Variants in CADPS observed in about 807,000 individuals in gnomAD.
CADPS encodes calcium-dependent secretion activator 1.
A neutral mutation model predicts 167.3 loss-of-function variants in CADPS; 57 were observed. The observed-to-expected ratio is 0.34, with a 90% CI of 0.28 to 0.42. The LOEUF (loss-of-function observed/expected upper bound fraction) is 0.42, where lower values mean the gene tolerates loss of function less well. Among genes scored for constraint, CADPS ranks in the 20% least tolerant of loss-of-function variants. The pLI, the probability that CADPS is intolerant of heterozygous loss-of-function variation, is 1.00. For synonymous variants in CADPS, 676 were observed against 635.3 expected (o/e 1.06, Z -0.96); for missense variants, 1,414 against 1,738.1 (o/e 0.81, Z 3.32).
At chr3:62,735,371 T>TA (rs1554129985) in intron 3 of CADPS, among the ~76,000 whole-genome samples, 2 of 152,062 alleles carry the variant, frequency 1.3e-5, no homozygotes, top group African/African-American at 2.4e-5. Context: ...AAGCAATAAA[T>TA]GTTACTCTGC....
chr3:62,748,696 C>A (rs1468136587), intron 3 of CADPS, among the ~76,000 whole-genome samples: 1 of 152,132 alleles, frequency 6.6e-6, no homozygotes, highest in Non-Finnish European at 1.5e-5. Context: ...AAAACCTATT[C>A]TCAAATTATC....
chr3:62,628,736 C>T (rs1202015125), intron 6 of CADPS, among the ~76,000 whole-genome samples: 1 of 151,978 alleles, frequency 6.6e-6, no homozygotes, highest in Admixed American at 6.6e-5. Flanking sequence ...AAGTGATTCC[C>T]CTGCCTCAGC....
intron 24 of CADPS, among the ~76,000 whole-genome samples, chr3:62,473,137 G>A (rs937104605): frequency 2.6e-5 from 4 of 151,390 alleles, no homozygotes; most frequent in Non-Finnish European, 4.4e-5. Flanking sequence ...GAGAACCAAG[G>A]GCACCCTGAA....
At position 62,478,728 on chromosome 3, in the gene CADPS, G is replaced by A. The variant is rs1214295176; in HGVS notation, c.3174-312C>T. Among the ~76,000 whole-genome samples the A allele has an allele frequency of 6.6e-6, 1 of 152,168 alleles. No individual in the cohort carries two copies. Among genetic ancestry groups the A allele is most frequent in the Non-Finnish European group, 1.5e-5 (1 of 68,030 alleles). Reference sequence around the variant, plus strand: ...TTTTAATAACCACATTAACACATGTGATGATTCAGATGAAGGCCACGAACC... The same window carrying A: ...TTTTAATAACCACATTAACACATGTAATGATTCAGATGAAGGCCACGAACC... On this transcript the variant is annotated intron_variant, in intron 22 of 29. Coordinates refer to ENST00000383710, the MANE Select transcript of CADPS (RefSeq NM_003716.4). This position sits in a 1 kb window ranked among gnomAD's most constrained non-coding sequence, Gnocchi z 5.7.
intron 4 of CADPS, 53 bp downstream of exon 4, chr3:62,662,261 C>T (rs1427966954): frequency 1.4e-6 from 2 of 1,427,458 alleles, no homozygotes; most frequent in African/African-American, 2.8e-5. Flanking sequence ...CAATGTGCTT[C>T]CTGAGTGGGA....
chr3:62,665,671 C>T (rs1218296566), intron 3 of CADPS, among the ~76,000 whole-genome samples: 1 of 152,174 alleles, frequency 6.6e-6, no homozygotes, highest in East Asian at 1.9e-4. Flanking sequence ...CCCTCTGTCA[C>T]TTGTCATGAC....
chr3:62,640,099 G>T (rs1452124491), intron 6 of CADPS, among the ~76,000 whole-genome samples: 1 of 152,158 alleles, frequency 6.6e-6, no homozygotes, highest in Admixed American at 6.6e-5. Context: ...CCCCAGCACT[G>T]GTTGGACATA....
At chr3:62,612,478 TC>T (rs1183347830) in intron 6 of CADPS, among the ~76,000 whole-genome samples, 1 of 152,212 alleles carries the variant, frequency 6.6e-6, no homozygotes, top group Non-Finnish European at 1.5e-5. Flanking sequence ...ACTTGCCCCT[TC>T]CCCATTCATC....
intron 16 of CADPS, among the ~76,000 whole-genome samples, chr3:62,513,861 T>C (rs1247135789): frequency 1.3e-5 from 2 of 151,988 alleles, no homozygotes; most frequent in Non-Finnish European, 2.9e-5. Flanking sequence ...AGCTTCAAAA[T>C]TGGAGATCTA....
intron 9 of CADPS, among the ~76,000 whole-genome samples, chr3:62,567,297 T>C (rs900141188): frequency 6.6e-6 from 1 of 152,144 alleles, no homozygotes; most frequent in Non-Finnish European, 1.5e-5. Flanking sequence ...CTCTCCTTTT[T>C]CAGCACCACC....
chr3:62,663,049 T>G (rs2073649340), intron 3 of CADPS, among the ~76,000 whole-genome samples: 2 of 152,338 alleles, frequency 1.3e-5, no homozygotes, highest in South Asian at 4.1e-4. Context: ...TTTCAGTTTT[T>G]TCTATCTAAA....
At chr3:62,736,124 G>T (rs778207630) in intron 3 of CADPS, among the ~76,000 whole-genome samples, 2 of 152,146 alleles carry the variant, frequency 1.3e-5, no homozygotes, top group Non-Finnish European at 2.9e-5. Flanking sequence ...AAGGATACCT[G>T]TGTTACCTTG....
At chr3:62,640,598 A>G (rs9825447) in intron 6 of CADPS, among the ~76,000 whole-genome samples, 5,362 of 152,166 alleles carry the variant, frequency 0.035, 294 homozygotes, top group African/African-American at 0.12. Context: ...GAAAATACCA[A>G]TTTTCCAAGT....
intron 1 of CADPS, among the ~76,000 whole-genome samples, chr3:62,873,864 A>T (rs1235477307): frequency 6.6e-6 from 1 of 152,078 alleles, no homozygotes; most frequent in Non-Finnish European, 1.5e-5. Flanking sequence ...GAAGGACCAG[A>T]GGGCGTGCCC....
chr3:62,703,711 G>A (rs1444655526), intron 3 of CADPS, among the ~76,000 whole-genome samples: 1 of 152,094 alleles, frequency 6.6e-6, no homozygotes, highest in Non-Finnish European at 1.5e-5. Flanking sequence ...ACCAGCAAAG[G>A]TCACATGATG....
chr3:62,510,191 CATCTATCTATCTATCT>C, intron 17 of CADPS, among the ~76,000 whole-genome samples: 1 of 148,384 alleles, frequency 6.7e-6, no homozygotes, highest in South Asian at 2.2e-4. Context: ...CCTATTTCTG[CATCTATCTATCTATCT>C]ATCTATCTAT....
intron 5 of CADPS, among the ~76,000 whole-genome samples, chr3:62,650,261 G>A (rs1294366210): frequency 6.6e-6 from 1 of 152,150 alleles, no homozygotes; most frequent in East Asian, 1.9e-4. Context: ...ACCTTCCCAT[G>A]TAATTCTGAC....
At chr3:62,673,445 G>T (rs67778689) in intron 3 of CADPS, among the ~76,000 whole-genome samples, 20,750 of 152,208 alleles carry the variant, frequency 0.14, 1,603 homozygotes, top group Middle Eastern at 0.24. Flanking sequence ...TAATAGAGGT[G>T]TGAACCAATT....
At chr3:62,871,359 T>A (rs1319185376) in intron 1 of CADPS, among the ~76,000 whole-genome samples, 2 of 152,152 alleles carry the variant, frequency 1.3e-5, no homozygotes, top group Non-Finnish European at 2.9e-5. Flanking sequence ...GAAGTTATAC[T>A]TAAGCATCCA....
Sources: allele counts gnomAD v4.1 joint callset (sites outside exome capture counted in the v4.1 genomes callset), GRCh38; gene constraint gnomAD v4.1.1; non-coding constraint Gnocchi (gnomAD v3.1); transcripts MANE v1.5; gene names NCBI Gene and HGNC (gene_info 2026-07-23, HGNC 2026-07-21).